CTNNAL1: variants seen among roughly 807,000 people sequenced by gnomAD.
CTNNAL1 encodes the protein alpha-catulin.
In CTNNAL1, 69 loss-of-function variants were observed where a neutral mutation model predicts 93.6. That is an observed-to-expected ratio of 0.74 (90% CI 0.61 to 0.90). The LOEUF is 0.90. CTNNAL1 is among the 40% of genes least tolerant of loss of function. The pLI, the probability that CTNNAL1 is intolerant of heterozygous loss-of-function variation, is 0.00. For synonymous variants in CTNNAL1, 286 were observed against 305.4 expected, an observed-to-expected ratio of 0.94 and a Z score of 0.66; for missense variants, 836 against 862.0, an observed-to-expected ratio of 0.97 and a Z score of 0.38.
In CTNNAL1 at chr9:108,976,983, A is replaced by G; in HGVS notation, c.1167T>C (p.Ser389=). 1.3e-6 allele frequency: 2 copies of G among 1,496,312 alleles called. No individual in the cohort carries two copies. Among genetic ancestry groups the G allele is most frequent in the Non-Finnish European group, 1.8e-6 (2 of 1,114,752 alleles). The allele number at this position is 1,496,312 out of a possible 1,614,324, so 92.7% of individuals were successfully genotyped here. A position where few individuals can be genotyped will look rare whatever the true frequency, so the allele number is the denominator to read the frequency against. Residue 389 remains serine (S), a synonymous_variant, in exon 8 of 19, where the codon AGT becomes AGC. Transcript: ENST00000325551. ...TTACTTCTTTCTTAAGTTCATTAAG[A>G]CTGTGACTGATTTTCAAAATACTGA... is the stretch of plus-strand genomic sequence containing the variant. ...LELSILKISH[S]LNELKKELHS...
At chr9:108,952,577 C>A in intron 12 of CTNNAL1, 83 bp from the exon 13 acceptor site, 1 of 1,538,110 alleles carries the variant, frequency 6.5e-7, no homozygotes, top group Non-Finnish European at 8.8e-7. Context: ...CAAAGCATAA[C>A]AAAGTACTTG....
Position 108,972,827 on chromosome 9 carries a change from T to TA in CTNNAL1, c.1194dup (p.Ser399Ter), listed in dbSNP as rs1831155000. 1 of 1,350,658 alleles carries TA rather than the reference T, an allele frequency of 7.4e-7. No individual in the cohort carries two copies. Among genetic ancestry groups the TA allele is most frequent in the Non-Finnish European group, 9.7e-7 (1 of 1,034,408 alleles). The allele number at this position is 1,350,658 out of a possible 1,614,324, so 83.7% of individuals were successfully genotyped here. A position where few individuals can be genotyped will look rare whatever the true frequency, so the allele number is the denominator to read the frequency against. On this transcript the variant is annotated frameshift_variant, in exon 9 of 19. Coordinates refer to ENST00000325551, the MANE Select transcript of CTNNAL1 (RefSeq NM_003798.4). LOFTEE classifies it high-confidence loss of function. ...TCTGCTGCCAGCTGTGTCGCTGTAC[T>TA]ATGAAGCTGCAGATGTGTGTGTGGG...
At chr9:108,972,864 G>GGGGGCGCCCCC in intron 8 of CTNNAL1, 31 bp from the exon 9 acceptor site, 8 of 142,564 alleles carry the variant, frequency 5.6e-5, no homozygotes, top group South Asian at 1.2e-4. Flanking sequence ...GGGGGGGTGG[G>GGGGGCGCCCCC]AGGGTGGAGA....
At chr9:108,963,859 A>G (rs1830883373) in intron 11 of CTNNAL1, among the ~76,000 whole-genome samples, 1 of 152,226 alleles carries the variant, frequency 6.6e-6, no homozygotes, top group Admixed American at 6.5e-5. Flanking sequence ...TAGAGCTGAC[A>G]GGTCACTGAG....
chr9:108,947,307 G>T (rs368433400), intron 15 of CTNNAL1, among the ~76,000 whole-genome samples: 1 of 152,052 alleles, frequency 6.6e-6, no homozygotes, highest in East Asian at 1.9e-4. Context: ...TGGAGACAGG[G>T]TTCCACCGTG....
At chr9:108,999,732 A>G (rs867204621) in intron 1 of CTNNAL1, among the ~76,000 whole-genome samples, 11 of 152,306 alleles carry the variant, frequency 7.2e-5, no homozygotes, top group Admixed American at 1.3e-4. Flanking sequence ...TGTTTACCAA[A>G]TTAACTAGAT....
Position 108,942,646 on chromosome 9 carries a change from C to G in CTNNAL1, c.*123G>C. 2.8e-6 allele frequency: 2 copies of G among 714,772 alleles called. 1 individual carries two copies. The highest frequency in any genetic ancestry group is 4.0e-5 in the South Asian group (2 of 50,496). 44.3% of individuals were successfully genotyped at this position (714,772 alleles called of 1,614,324 possible). A position where few individuals can be genotyped will look rare whatever the true frequency, so the allele number is the denominator to read the frequency against. On this transcript the variant is annotated 3_prime_UTR_variant, in exon 19 of 19. Coordinates refer to ENST00000325551, the MANE Select transcript of CTNNAL1 (RefSeq NM_003798.4). ...TCAGTTTCATGATCAGAAAATAGAG[C>G]AAAATTTCAATATTGTTTTCTTTAT...
At chr9:108,970,359 A>T in intron 10 of CTNNAL1, 43 bp downstream of exon 10, 2 of 1,555,658 alleles carry the variant, frequency 1.3e-6, no homozygotes, top group Non-Finnish European at 1.7e-6. Context: ...TATAACACTC[A>T]GATAGGACAC....
intron 12 of CTNNAL1, among the ~76,000 whole-genome samples, chr9:108,953,707 A>G (rs531703276): frequency 1.4e-4 from 22 of 152,358 alleles, no homozygotes; most frequent in Non-Finnish European, 2.4e-4. Flanking sequence ...AGATCTGCTC[A>G]TGGAACATAG....
At chr9:108,976,384 TC>T (rs1198964493) in intron 8 of CTNNAL1, among the ~76,000 whole-genome samples, 1 of 152,212 alleles carries the variant, frequency 6.6e-6, no homozygotes, top group Non-Finnish European at 1.5e-5. Context: ...ATTCCAAAAT[TC>T]ATTTATCAAT....
At chr9:108,986,956 A>T (rs982598123) in intron 4 of CTNNAL1, among the ~76,000 whole-genome samples, 14 of 152,166 alleles carry the variant, frequency 9.2e-5, no homozygotes, top group African/African-American at 3.4e-4. Flanking sequence ...AGGTTGCGAA[A>T]ATTTTCTCCC....
At chr9:109,003,798 G>C (rs892291481) in intron 1 of CTNNAL1, among the ~76,000 whole-genome samples, 5 of 152,176 alleles carry the variant, frequency 3.3e-5, no homozygotes, top group African/African-American at 4.8e-5. Context: ...TGGATTTCCA[G>C]CTGATGTTGT....
chr9:108,965,443 T>C lies in CTNNAL1; in HGVS notation c.1526A>G (p.Glu509Gly), dbSNP rs1587956929. 3 of 1,595,872 alleles carry C rather than the reference T, an allele frequency of 1.9e-6. No homozygotes were observed. The highest frequency in any genetic ancestry group is 1.7e-6 in the Non-Finnish European group (2 of 1,171,890). ...TGTTGACATGTCACTAATTTGGGATTCCCAAGCTTCACAAAATACATCTAG... is the reference window on the plus strand; with the variant it reads ...TGTTGACATGTCACTAATTTGGGATCCCCAAGCTTCACAAAATACATCTAG... Reference protein sequence around the residue: ...ENLDVFCEAWESQISDMSTLL... With the variant: ...ENLDVFCEAWGSQISDMSTLL... Residue 509 changes from glutamate (E) to glycine (G), a missense_variant, in exon 11 of 19, where the codon GAA becomes GGA. Transcript: ENST00000325551.
At chr9:108,996,599 G>T (rs1432042168) in intron 2 of CTNNAL1, among the ~76,000 whole-genome samples, 1 of 152,038 alleles carries the variant, frequency 6.6e-6, no homozygotes, top group Non-Finnish European at 1.5e-5. Context: ...CCTTACACTG[G>T]GCACAATGAC....
intron 12 of CTNNAL1, among the ~76,000 whole-genome samples, chr9:108,954,243 C>T (rs1438261737): frequency 6.6e-6 from 1 of 151,864 alleles, no homozygotes; most frequent in Non-Finnish European, 1.5e-5. Context: ...GACGTCAGTC[C>T]CCTAAATATA....
intron 1 of CTNNAL1, 99 bp downstream of exon 1, chr9:109,013,203 T>TG (rs1827263607): frequency 1.5e-6 from 2 of 1,334,540 alleles, no homozygotes; most frequent in Non-Finnish European, 1.9e-6. Context: ...GCGCGGAAAG[T>TG]GGGGCAGCGG....
intron 14 of CTNNAL1, chr9:108,950,679 G>T: frequency 6.8e-7 from 1 of 1,475,492 alleles, no homozygotes; most frequent in Non-Finnish European, 9.0e-7. Flanking sequence ...CATAAAAGGA[G>T]GTGGATGCTC....
chr9:108,978,780 A>C (rs1431141556), intron 7 of CTNNAL1, among the ~76,000 whole-genome samples: 2 of 151,788 alleles, frequency 1.3e-5, no homozygotes, highest in African/African-American at 4.8e-5. Flanking sequence ...TTTACTTGCC[A>C]GCTGGATCTA....
chr9:109,000,562 G>A (rs908072691), intron 1 of CTNNAL1, among the ~76,000 whole-genome samples: 2 of 152,176 alleles, frequency 1.3e-5, no homozygotes, highest in East Asian at 1.9e-4. Flanking sequence ...GTGATATAAA[G>A]TATCTGTGTA....
Sources: allele counts gnomAD v4.1 joint callset (sites outside exome capture counted in the v4.1 genomes callset), GRCh38; gene constraint gnomAD v4.1.1; transcripts MANE v1.5; gene names NCBI Gene and HGNC (gene_info 2026-07-23, HGNC 2026-07-21).